Variants in GRM5 observed in about 807,000 individuals in gnomAD.
GRM5 encodes the protein metabotropic glutamate receptor 5.
GRM5 carries 19 observed loss-of-function variants against 83.1 expected under a neutral mutation model. That is an observed-to-expected ratio of 0.23 (90% CI 0.16 to 0.34). The LOEUF (loss-of-function observed/expected upper bound fraction) is 0.34, where lower values mean the gene tolerates loss of function less well. Among genes scored for constraint, GRM5 ranks in the 10% least tolerant of loss-of-function variants. The pLI is 1.00. For missense variants in GRM5, 1,160 were observed against 1,588.3 expected, an observed-to-expected ratio of 0.73 and a Z score of 4.58; for synonymous variants, 675 against 633.6, an observed-to-expected ratio of 1.07 and a Z score of -0.98.
At chr11:88,575,119 C>T (rs916719294) in intron 7 of GRM5, among the ~76,000 whole-genome samples, 1 of 151,266 alleles carries the variant, frequency 6.6e-6, no homozygotes, top group Admixed American at 6.6e-5. Flanking sequence ...ATTGCTTTCT[C>T]CAATAAAAAG....
rs1364461919 is a variant in GRM5 at position 88,508,655 on chromosome 11, C to G, written c.3576G>C (p.Pro1192=). ...SPVSESALCI[P]SSPKYDTLII... is the part of the protein sequence containing the mutation. Reference sequence around the variant, plus strand: ...TAAGAGTGTCATATTTGGGAGACGACGGGATACAGAGGGCCGACTCGGACA... The same window carrying G: ...TAAGAGTGTCATATTTGGGAGACGAGGGGATACAGAGGGCCGACTCGGACA... The change falls in exon 10 of 10, where the codon CCG becomes CCC. Residue 1192 remains proline, a synonymous_variant. Transcript: ENST00000305447. This position sits in a 1 kb window ranked among gnomAD's most constrained non-coding sequence, Gnocchi z 4.2. The G allele has an allele frequency of 6.2e-7, 1 of 1,609,424 alleles. No homozygotes were observed. Among genetic ancestry groups the G allele is most frequent in the African/African-American group, 1.3e-5 (1 of 74,188 alleles).
chr11:88,677,358 G>C (rs896010628), intron 3 of GRM5, among the ~76,000 whole-genome samples: 3 of 152,148 alleles, frequency 2.0e-5, no homozygotes, highest in Admixed American at 2.0e-4. Flanking sequence ...CTTTGCTTTA[G>C]TTATTAGTTT....
rs936278999 is a variant in GRM5, at chr11:89,003,328, A to T, written c.661+43884T>A. Among the ~76,000 whole-genome samples, 11 of 152,116 alleles carry T rather than the reference A, an allele frequency of 7.2e-5. 1 individual carries two copies. The highest frequency in any genetic ancestry group is 2.7e-4 in the African/African-American group (11 of 41,440). Reference sequence around the variant, plus strand: ...GCTTCTTGAAAAACCCCGGGATATAAAAACAAACAAAACACAGCACAGTCC... The same window carrying T: ...GCTTCTTGAAAAACCCCGGGATATATAAACAAACAAAACACAGCACAGTCC... On this transcript the variant is annotated intron_variant, in intron 2 of 9. Coordinates refer to ENST00000305447, the MANE Select transcript of GRM5 (RefSeq NM_001143831.3).
In GRM5 at chr11:88,653,197, T is replaced by G; in HGVS notation, c.1118A>C (p.Glu373Ala). 1 of 1,609,118 alleles carries G rather than the reference T, an allele frequency of 6.2e-7. No individual in the cohort carries two copies. The highest frequency in any genetic ancestry group is 8.5e-7 in the Non-Finnish European group (1 of 1,175,768). The change falls in exon 4 of 10, where the codon GAG (glutamate) becomes GCG (alanine). Residue 373 changes from glutamate (E) to alanine (A), a missense_variant. By Grantham distance (107) the Glu-to-Ala change is moderately radical. Transcript: ENST00000305447. ...GCAAGTCTTGTTGTATTTGCTGTTC[T>G]CCTGTGGAAACCCTTCCAGTCGGCA... Reference protein sequence around the residue: ...FQCRLEGFPQENSKYNKTCNS... With the variant: ...FQCRLEGFPQANSKYNKTCNS...
At chr11:88,546,607 C>T (rs1251638638) in intron 8 of GRM5, among the ~76,000 whole-genome samples, 1 of 152,002 alleles carries the variant, frequency 6.6e-6, no homozygotes, top group African/African-American at 2.4e-5. Flanking sequence ...ATAGCCATTT[C>T]AGTGAATGGT....
chr11:88,781,505 G>A (rs1942975553), intron 3 of GRM5, among the ~76,000 whole-genome samples: 1 of 152,228 alleles, frequency 6.6e-6, no homozygotes, highest in East Asian at 1.9e-4. Flanking sequence ...ACTTAAAGGA[G>A]GCAAAGGCAC....
In GRM5 at chr11:88,606,859, T is replaced by TA. The variant is rs35093217; in HGVS notation, c.1148-1896dup. On this transcript the variant is annotated intron_variant, in intron 4 of 9. Coordinates refer to ENST00000305447, the MANE Select transcript of GRM5 (RefSeq NM_001143831.3). ...TTAAGACATATAGGAAGAGTGTGGTTAAAAAAAAAATAGGTGAAAGAAAGA... is the reference window on the plus strand; with the variant it reads ...TTAAGACATATAGGAAGAGTGTGGTTAAAAAAAAAAATAGGTGAAAGAAAGA... 2.4e-4 allele frequency among the ~76,000 whole-genome samples: 35 copies of TA among 145,972 alleles called. 1 individual carries two copies. Among genetic ancestry groups the TA allele is most frequent in the South Asian group, 2.0e-3 (9 of 4,584 alleles).
intron 3 of GRM5, among the ~76,000 whole-genome samples, chr11:88,809,653 T>G (rs2135495782): frequency 6.6e-6 from 1 of 151,730 alleles, no homozygotes; most frequent in East Asian, 1.9e-4. Flanking sequence ...GGGAAAGAAA[T>G]AAAATAATAT....
chr11:88,831,587 C>CATGT (rs1417106316), intron 3 of GRM5, among the ~76,000 whole-genome samples: 11 of 152,324 alleles, frequency 7.2e-5, no homozygotes, highest in Non-Finnish European at 4.4e-5. Flanking sequence ...AGTGCCTGAA[C>CATGT]ATGTCACTTG....
At chr11:89,061,891 T>C (rs1942002214) in intron 1 of GRM5, among the ~76,000 whole-genome samples, 2 of 152,214 alleles carry the variant, frequency 1.3e-5, no homozygotes, top group Admixed American at 1.3e-4. Context: ...AGGGGTGCAA[T>C]TAAAATATCT....
At chr11:89,065,124 G>A (rs974522732) in intron 1 of GRM5, among the ~76,000 whole-genome samples, 12 of 151,340 alleles carry the variant, frequency 7.9e-5, no homozygotes, top group Non-Finnish European at 1.8e-4. Context: ...TTTTAGAAAC[G>A]GAAACTGACA....
chr11:89,036,487 A>C (rs1402397561), intron 2 of GRM5, among the ~76,000 whole-genome samples: 1 of 152,078 alleles, frequency 6.6e-6, no homozygotes, highest in Non-Finnish European at 1.5e-5. Context: ...TTGGCAGGAA[A>C]ATTTAGAAGA....
rs571433297 is a variant in GRM5, at chr11:88,878,837, A to G, written c.662-28682T>C. On this transcript the variant is annotated intron_variant, in intron 2 of 9. Transcript: ENST00000305447. ...TGCTAAGAGAAAGAAATTAGACTCA[A>G]AAGGTTTCATACTGTATCATTCCAT... Among the ~76,000 whole-genome samples the G allele has an allele frequency of 1.2e-4, 18 of 152,336 alleles. No individual in the cohort carries two copies. In the South Asian group the frequency reaches 2.1e-3, roughly 18 times the overall value.
At chr11:88,745,261 T>C (rs1942113433) in intron 3 of GRM5, among the ~76,000 whole-genome samples, 1 of 148,496 alleles carries the variant, frequency 6.7e-6, no homozygotes, top group African/African-American at 2.5e-5. Flanking sequence ...AGTGCAGTGG[T>C]ACAATCACAG....
chr11:88,880,472 G>A (rs1449075558), intron 2 of GRM5, among the ~76,000 whole-genome samples: 1 of 152,026 alleles, frequency 6.6e-6, no homozygotes, highest in Non-Finnish European at 1.5e-5. Context: ...TTCTATATAA[G>A]AATAACATAC....
chr11:88,755,120 T>C (rs1453189787), intron 3 of GRM5, among the ~76,000 whole-genome samples: 1 of 152,162 alleles, frequency 6.6e-6, no homozygotes, highest in African/African-American at 2.4e-5. Flanking sequence ...ACAATCCTTA[T>C]AAGAAACTGA....
intron 3 of GRM5, among the ~76,000 whole-genome samples, chr11:88,795,834 CA>C (rs1221199992): frequency 6.6e-6 from 1 of 152,136 alleles, no homozygotes; most frequent in East Asian, 1.9e-4. Flanking sequence ...CCTGAGAAAA[CA>C]ACGAGTTTAA....
intron 2 of GRM5, among the ~76,000 whole-genome samples, chr11:89,016,079 CT>C (rs1940845573): frequency 6.6e-6 from 1 of 151,888 alleles, no homozygotes; most frequent in Admixed American, 6.6e-5. Context: ...GAAAAAAACA[CT>C]AGATTCAAAA....
chr11:88,588,330 T>C (rs931006774), intron 7 of GRM5, among the ~76,000 whole-genome samples: 1 of 152,180 alleles, frequency 6.6e-6, no homozygotes, highest in Non-Finnish European at 1.5e-5. Flanking sequence ...CTTAGGAAAT[T>C]TTAAATATTT....
Sources: allele counts gnomAD v4.1 joint callset (sites outside exome capture counted in the v4.1 genomes callset), GRCh38; gene constraint gnomAD v4.1.1; non-coding constraint Gnocchi (gnomAD v3.1); transcripts MANE v1.5; gene names NCBI Gene and HGNC (gene_info 2026-07-23, HGNC 2026-07-21).